Variants in FBXO25 observed in about 807,000 individuals in gnomAD.
The protein encoded by FBXO25 is F-box only protein 25.
A neutral mutation model predicts 51.9 loss-of-function variants in FBXO25; 45 were observed. The ratio of observed to expected loss-of-function variants is 0.87; its 90% CI spans 0.68 to 1.11. The LOEUF is 1.11. FBXO25 is among the 50% of genes most tolerant of loss of function. The pLI is 0.00. For synonymous variants in FBXO25, 199 were observed against 151.0 expected (o/e 1.32, Z -2.33); for missense variants, 507 against 428.5 (o/e 1.18, Z -1.62).
intron 8 of FBXO25, among the ~76,000 whole-genome samples, chr8:459,450 G>C (rs1799665257): frequency 6.6e-6 from 1 of 152,268 alleles, no homozygotes; most frequent in Admixed American, 6.5e-5. Flanking sequence ...AAGAATCCTT[G>C]TCTGTGTCCT....
At chr8:410,058 T>A (rs1165274239) in intron 1 of FBXO25, among the ~76,000 whole-genome samples, 1 of 152,180 alleles carries the variant, frequency 6.6e-6, no homozygotes, top group African/African-American at 2.4e-5. Context: ...TCTCCATTCA[T>A]TTAAGATCTA....
intron 9 of FBXO25, chr8:468,345 C>A: frequency 1.2e-6 from 1 of 866,982 alleles, no homozygotes; most frequent in Non-Finnish European, 1.4e-6. Flanking sequence ...GAGGACAGGA[C>A]AAAGGAATGG....
At chr8:460,160 C>T (rs540471628) in intron 8 of FBXO25, among the ~76,000 whole-genome samples, 38 of 152,160 alleles carry the variant, frequency 2.5e-4, no homozygotes, top group African/African-American at 7.9e-4. Context: ...CGTGCAGGCC[C>T]GAGCTGTTCC....
At chr8:411,600 T>C (rs1277913769) in intron 1 of FBXO25, among the ~76,000 whole-genome samples, 1 of 152,224 alleles carries the variant, frequency 6.6e-6, no homozygotes, top group Non-Finnish European at 1.5e-5. Context: ...AGAGCTCCTG[T>C]TGTTTTCCTG....
Position 437,590 on chromosome 8 carries a change from C to A in FBXO25, c.381+1883C>A, listed in dbSNP as rs190713366. Among the ~76,000 whole-genome samples, 24 of 152,328 alleles carry A rather than the reference C, an allele frequency of 1.6e-4. 1 individual carries two copies. In the East Asian group the frequency reaches 4.2e-3, roughly 27 times the overall value. ...GCTCATGCTTACCTTCTGCTAAAAA[C>A]AAAAACAAGAAGCAGCCTTTGTGAC... On this transcript the variant is annotated intron_variant, in intron 5 of 9. Coordinates refer to ENST00000350302, the MANE Select transcript of FBXO25 (RefSeq NM_183420.2).
At chr8:452,880 C>T (rs745847995) in intron 7 of FBXO25, among the ~76,000 whole-genome samples, 11 of 152,168 alleles carry the variant, frequency 7.2e-5, no homozygotes, top group Non-Finnish European at 1.3e-4. Context: ...TGGGCCGAGA[C>T]AGAGCAGGAA....
At chr8:451,519 A>T in intron 7 of FBXO25, 66 bp downstream of exon 7, 3 of 1,435,196 alleles carry the variant, frequency 2.1e-6, no homozygotes, top group Non-Finnish European at 2.9e-6. Flanking sequence ...ATCTTTTCTA[A>T]GCATACATGA....
rs1335631484 is a variant in FBXO25, at chr8:435,662, C to T, written c.336C>T (p.Phe112=). ...GAGAAGCCTTTAATCGGTTAGACTT[C>T]TCAAGTGCAATTCAAGATATCCGAA... ...TLGEAFNRLD[F]SSAIQDIRRF... is the part of the protein sequence containing the mutation. Residue 112 remains phenylalanine, a synonymous_variant, in exon 5 of 10, where the codon TTC becomes TTT. Transcript: ENST00000350302. 4 of 1,603,688 alleles carry T rather than the reference C, an allele frequency of 2.5e-6. No individual in the cohort carries two copies. The highest frequency in any genetic ancestry group is 3.4e-6 in the Non-Finnish European group (4 of 1,177,534).
At chr8:464,921 T>G (rs1211698586) in intron 9 of FBXO25, among the ~76,000 whole-genome samples, 2 of 152,250 alleles carry the variant, frequency 1.3e-5, no homozygotes, top group Non-Finnish European at 2.9e-5. Flanking sequence ...TTGTAGACTA[T>G]TATCCCTCAA....
rs573812073 is a variant in FBXO25 at position 477,308 on chromosome 8, G to C, written c.*8504G>C. 4 of 152,168 alleles carry C rather than the reference G, an allele frequency of 2.6e-5. No homozygotes were observed. The highest frequency in any genetic ancestry group is 1.9e-4 in the East Asian group (1 of 5,198). 9.4% of individuals were successfully genotyped at this position (152,168 alleles called of 1,614,324 possible). On this transcript the variant is annotated 3_prime_UTR_variant, in exon 10 of 10. Transcript: ENST00000350302. ...TGATGCTGTTCAAGTTCTGTCTTGC[G>C]ACTGATCTTCTGTCTGGTTGTCCTA...
chr8:411,076 C>T (rs1170446251), intron 1 of FBXO25, among the ~76,000 whole-genome samples: 1 of 152,054 alleles, frequency 6.6e-6, no homozygotes, highest in African/African-American at 2.4e-5. Context: ...GTTCATCTCT[C>T]ATTTATTCTC....
At chr8:437,689 C>G (rs1198205507) in intron 5 of FBXO25, among the ~76,000 whole-genome samples, 2 of 152,146 alleles carry the variant, frequency 1.3e-5, no homozygotes, top group Non-Finnish European at 2.9e-5. Context: ...CTTAACCTCC[C>G]TGGCCCATGC....
intron 2 of FBXO25, among the ~76,000 whole-genome samples, chr8:430,823 A>G (rs1185480478): frequency 6.6e-6 from 1 of 152,206 alleles, no homozygotes; most frequent in Admixed American, 6.5e-5. Context: ...TATACATGTC[A>G]CTTCACCTGG....
At chr8:456,398 C>G (rs1317302337) in intron 7 of FBXO25, among the ~76,000 whole-genome samples, 2 of 152,228 alleles carry the variant, frequency 1.3e-5, no homozygotes, top group South Asian at 2.1e-4. Context: ...TATGTGCTCT[C>G]TGCCATATGC....
At chr8:463,978 T>C (rs1013307362) in intron 9 of FBXO25, among the ~76,000 whole-genome samples, 1 of 152,138 alleles carries the variant, frequency 6.6e-6, no homozygotes, top group African/African-American at 2.4e-5. Context: ...TTTTGTTTGT[T>C]TTTTTGAAAC....
At chr8:430,025 T>C (rs1797727384) in intron 2 of FBXO25, among the ~76,000 whole-genome samples, 1 of 152,250 alleles carries the variant, frequency 6.6e-6, no homozygotes, top group African/African-American at 2.4e-5. Context: ...TTCTGTCCCA[T>C]GCTCACATGT....
intron 2 of FBXO25, among the ~76,000 whole-genome samples, chr8:417,131 G>A (rs1461398306): frequency 7.2e-5 from 11 of 152,322 alleles, no homozygotes; most frequent in East Asian, 5.8e-4. Context: ...AGGGGAGCCC[G>A]GAAGCGGGGC....
At chr8:439,849 C>T (rs1301720548) in intron 5 of FBXO25, among the ~76,000 whole-genome samples, 1 of 152,224 alleles carries the variant, frequency 6.6e-6, no homozygotes, top group Admixed American at 6.5e-5. Context: ...AGGAGGATAA[C>T]TTGAGCCCAG....
intron 2 of FBXO25, among the ~76,000 whole-genome samples, chr8:413,485 G>C (rs1474380200): frequency 4.6e-5 from 7 of 151,982 alleles, no homozygotes. Context: ...CATTATAGCT[G>C]AGGAACCTGA....
Sources: gnomAD v4.1 joint callset for allele counts (sites outside exome capture counted in the v4.1 genomes callset) on GRCh38, gnomAD v4.1.1 for gene constraint, MANE v1.5 for transcripts, NCBI Gene and HGNC (gene_info 2026-07-23, HGNC 2026-07-21) for gene names.